The following STK3 variants were observed in gnomAD, a reference collection of about 807,000 sequenced individuals.
STK3 encodes serine/threonine-protein kinase 3.
Under a neutral mutation model 58.0 loss-of-function variants are expected in STK3, and 41 were observed. The ratio of observed to expected loss-of-function variants is 0.71; its 90% CI spans 0.55 to 0.92. The LOEUF (loss-of-function observed/expected upper bound fraction) is 0.92, where lower values mean the gene tolerates loss of function less well. STK3 is among the 40% of genes least tolerant of loss of function. The pLI, the probability that STK3 is intolerant of heterozygous loss-of-function variation, is 0.00. For missense variants in STK3, 479 were observed against 602.7 expected (o/e 0.79, Z 2.15); for synonymous variants, 170 against 191.0 (o/e 0.89, Z 0.91).
chr8:98,908,080 A>G (rs1437198371), intron 1 of STK3, among the ~76,000 whole-genome samples: 1 of 152,170 alleles, frequency 6.6e-6, no homozygotes, highest in Non-Finnish European at 1.5e-5. Context: ...ATTTCTTAGC[A>G]CTTTCATCAA....
rs1831009706 is a variant in STK3 at position 98,767,304 on chromosome 8, G to A, written c.175C>T (p.Pro59Ser). The change falls in exon 3 of 11, where the codon CCT becomes TCT. Residue 59 changes from proline (P) to serine (S), a missense_variant. Around this residue, in one of 3 missense-constraint regions of STK3, gnomAD observed 126 missense variants for 210.1 expected, o/e 0.60. Transcript: ENST00000419617. ...SGQVVAIKQV[P>S]VESDLQEIIK... is the part of the protein sequence containing the mutation. ...ATTTCCTGAAGATCTGATTCAACAGGTACTTGTTTAATTGCGACAACTTGA... is the reference window on the plus strand; with the variant it reads ...ATTTCCTGAAGATCTGATTCAACAGATACTTGTTTAATTGCGACAACTTGA... The A allele has an allele frequency of 6.2e-7, 1 of 1,611,814 alleles. No homozygotes were observed.
intron 3 of STK3, among the ~76,000 whole-genome samples, chr8:98,831,798 A>C (rs1191233158): frequency 6.6e-6 from 1 of 152,164 alleles, no homozygotes; most frequent in Non-Finnish European, 1.5e-5. Flanking sequence ...AGCATGTTGC[A>C]TTTGAATTTA....
Position 98,415,644 on chromosome 8 carries a change from G to A in STK3, n.484-14131C>T, listed in dbSNP as rs149308071. On this transcript the variant is annotated intron_variant and non_coding_transcript_variant, in intron 3 of 3. Coordinates refer to the STK3 transcript ENST00000517832. ...GAGAGGCTGCCATTATCTTTACCCT[G>A]AAATGTGGGTAAATTTTAAAGCCTT... Among the ~76,000 whole-genome samples the A allele has an allele frequency of 3.9e-5, 6 of 152,274 alleles. No homozygotes were observed. The East Asian group carries it at 1.2e-3, about 29-fold the overall frequency.
chr8:98,752,721 C>A (rs577297663), intron 3 of STK3, among the ~76,000 whole-genome samples: 1 of 151,508 alleles, frequency 6.6e-6, no homozygotes, highest in South Asian at 2.1e-4. Context: ...GGTCTAATAT[C>A]CAGCAGCTAT....
At chr8:98,704,132 G>A (rs1479118839) in intron 6 of STK3, among the ~76,000 whole-genome samples, 6 of 152,126 alleles carry the variant, frequency 3.9e-5, no homozygotes, top group African/African-American at 1.2e-4. Flanking sequence ...ATTTTTACTT[G>A]AAGAATAACT....
intron 6 of STK3, among the ~76,000 whole-genome samples, chr8:98,665,581 G>C (rs553854492): frequency 6.6e-6 from 1 of 152,104 alleles, no homozygotes; most frequent in East Asian, 1.9e-4. Flanking sequence ...TTTTTGTAGA[G>C]ACAAGGTCTC....
chr8:98,596,383 C>T, intron 6 of STK3: 1 of 454,098 alleles, frequency 2.2e-6, no homozygotes, highest in South Asian at 4.3e-5. Flanking sequence ...AATTGTAGCT[C>T]ATTGAGCACA....
chr8:98,624,125 G>A (rs1818535204), intron 6 of STK3, among the ~76,000 whole-genome samples: 1 of 152,120 alleles, frequency 6.6e-6, no homozygotes, highest in African/African-American at 2.4e-5. Context: ...AGAGAATGAG[G>A]TGGTAGGCGT....
intron 3 of STK3, chr8:98,413,317 A>G: frequency 2.1e-6 from 1 of 481,760 alleles, no homozygotes; most frequent in Non-Finnish European, 4.1e-6. Context: ...GCCTGGCCTA[A>G]TTTTGTTTTT....
chr8:98,877,485 T>A (rs1003648105), intron 3 of STK3, among the ~76,000 whole-genome samples: 3 of 152,166 alleles, frequency 2.0e-5, no homozygotes, highest in Non-Finnish European at 4.4e-5. Flanking sequence ...TTTTGTTTGT[T>A]TTTTTGGTTT....
intron 10 of STK3, among the ~76,000 whole-genome samples, chr8:98,456,375 A>G (rs1759745505): frequency 6.6e-6 from 1 of 152,268 alleles, no homozygotes; most frequent in African/African-American, 2.4e-5. Context: ...CATCTTTGCC[A>G]GCTACTGAGT....
At chr8:98,857,942 G>A (rs946794888) in intron 3 of STK3, among the ~76,000 whole-genome samples, 1 of 152,080 alleles carries the variant, frequency 6.6e-6, no homozygotes. Context: ...GAAAAGAAAA[G>A]CCTGTGTGAA....
intron 1 of STK3, among the ~76,000 whole-genome samples, chr8:98,935,206 G>A (rs1195105638): frequency 6.6e-6 from 1 of 152,214 alleles, no homozygotes; most frequent in African/African-American, 2.4e-5. Flanking sequence ...CTTCCTTCTT[G>A]CTGTGGGTCA....
At position 98,743,987 on chromosome 8, in the gene STK3, C is replaced by T. The variant is rs1266434910; in HGVS notation, c.351+5289G>A. Among the ~76,000 whole-genome samples the T allele has an allele frequency of 2.8e-3, 420 of 151,788 alleles. 3 individuals are homozygous for T. The highest frequency in any genetic ancestry group is 9.6e-3 in the African/African-American group (395 of 41,214). Reference sequence around the variant, plus strand: ...CAAAAAACACATGAGAAAATGCTCACCATCACTGGCCATCAGAGAAATGCA... The same window carrying T: ...CAAAAAACACATGAGAAAATGCTCATCATCACTGGCCATCAGAGAAATGCA... On this transcript the variant is annotated intron_variant, in intron 4 of 10. Transcript: ENST00000419617.
intron 6 of STK3, among the ~76,000 whole-genome samples, chr8:98,664,117 A>G (rs2130803025): frequency 6.6e-6 from 1 of 152,336 alleles, no homozygotes; most frequent in East Asian, 1.9e-4. Flanking sequence ...AGATAAGTCT[A>G]TATTCATTAA....
chr8:98,693,623 A>C (rs373202183), intron 6 of STK3, among the ~76,000 whole-genome samples: 1 of 152,098 alleles, frequency 6.6e-6, no homozygotes, highest in Non-Finnish European at 1.5e-5. Flanking sequence ...AAATGAAGAT[A>C]CTCCTCTATG....
chr8:98,784,290 C>T (rs1048484499), intron 1 of STK3, among the ~76,000 whole-genome samples: 4 of 152,216 alleles, frequency 2.6e-5, no homozygotes, highest in Non-Finnish European at 5.9e-5. Context: ...GAGGTCTTCA[C>T]AGCCACACTG....
the STK3 span, among the ~76,000 whole-genome samples, chr8:98,350,302 C>G: frequency 1.3e-5 from 2 of 152,172 alleles, no homozygotes; most frequent in Admixed American, 6.5e-5. Flanking sequence ...AGTTCCTTAT[C>G]TCCATCTGAG....
At chr8:98,501,108 G>A (rs1030499933) in intron 10 of STK3, among the ~76,000 whole-genome samples, 15 of 152,048 alleles carry the variant, frequency 9.9e-5, no homozygotes, top group Admixed American at 5.9e-4. Flanking sequence ...CATTCTAACC[G>A]GCATGAGATG....
Sources: gnomAD v4.1 joint callset for allele counts (sites outside exome capture counted in the v4.1 genomes callset) on GRCh38, gnomAD v4.1.1 for gene constraint, gnomAD v4.1.1 regional missense constraint, MANE v1.5 for transcripts, NCBI Gene and HGNC (gene_info 2026-07-23, HGNC 2026-07-21) for gene names.